The following PLPP4 variants were observed in gnomAD, a reference collection of about 807,000 sequenced individuals.
PLPP4 encodes diacylglycerol pyrophosphate like 2.
In PLPP4, 20 loss-of-function variants were observed where a neutral mutation model predicts 32.2. That is an observed-to-expected ratio of 0.62 (90% CI 0.44 to 0.90). PLPP4 has a LOEUF of 0.90. Among genes scored for constraint, PLPP4 ranks in the 40% least tolerant of loss-of-function variants. PLPP4 has a pLI of 0.00. For missense variants in PLPP4, 257 were observed against 353.1 expected, an observed-to-expected ratio of 0.73 and a Z score of 2.18; for synonymous variants, 127 against 133.0, an observed-to-expected ratio of 0.95 and a Z score of 0.31.
At chr10:120,529,140 G>T (rs1846575471) in intron 5 of PLPP4, among the ~76,000 whole-genome samples, 3 of 152,112 alleles carry the variant, frequency 2.0e-5, no homozygotes, top group African/African-American at 7.2e-5. Flanking sequence ...CCCCCCAGGG[G>T]ACATTTAGCA....
rs376461960 is a variant in PLPP4 at position 120,590,276 on chromosome 10, G to A, written c.*774G>A. Among the ~76,000 whole-genome samples the A allele has an allele frequency of 1.3e-5, 2 of 152,162 alleles. No individual in the cohort carries two copies. Among genetic ancestry groups the A allele is most frequent in the Non-Finnish European group, 2.9e-5 (2 of 68,028 alleles). ...CATACAGTGAATTTTTGGGGCACGG[G>A]GGCTTTACTTGGCTCTTCTGCAAGA... On this transcript the variant is annotated 3_prime_UTR_variant, in exon 7 of 7. Transcript: ENST00000398250.
At chr10:120,548,154 G>T (rs77857613) in intron 5 of PLPP4, among the ~76,000 whole-genome samples, 1,827 of 152,080 alleles carry the variant, frequency 0.012, 18 homozygotes, top group Non-Finnish European at 0.019. Flanking sequence ...TGGAGTTTTG[G>T]TGTACAAATT....
At chr10:120,522,113 C>G (rs1846180377) in intron 5 of PLPP4, among the ~76,000 whole-genome samples, 1 of 152,162 alleles carries the variant, frequency 6.6e-6, no homozygotes. Flanking sequence ...AGGTGACCAT[C>G]TTGAATAGGA....
intron 2 of PLPP4, among the ~76,000 whole-genome samples, chr10:120,513,316 G>T (rs1448479702): frequency 2.0e-5 from 3 of 152,150 alleles, no homozygotes; most frequent in Non-Finnish European, 4.4e-5. Flanking sequence ...CTCACAGTAG[G>T]TTCTGTAATG....
At chr10:120,481,352 C>G (rs1261337266) in intron 1 of PLPP4, among the ~76,000 whole-genome samples, 1 of 152,102 alleles carries the variant, frequency 6.6e-6, no homozygotes, top group African/African-American at 2.4e-5. Context: ...TTCAGGGCAG[C>G]CCAGGGGACA....
chr10:120,528,311 T>C (rs975252965), intron 5 of PLPP4, among the ~76,000 whole-genome samples: 37 of 152,108 alleles, frequency 2.4e-4, no homozygotes, highest in Non-Finnish European at 4.4e-4. Flanking sequence ...CCTGACCTCG[T>C]GATCCGTCCG....
At chr10:120,548,566 C>A (rs571145141) in intron 5 of PLPP4, among the ~76,000 whole-genome samples, 438 of 152,148 alleles carry the variant, frequency 2.9e-3, no homozygotes, top group Non-Finnish European at 4.8e-3. Context: ...TATGGTAGAA[C>A]AATTTATATT....
chr10:120,565,988 A>G (rs978310077), intron 5 of PLPP4, among the ~76,000 whole-genome samples: 4 of 152,022 alleles, frequency 2.6e-5, no homozygotes, highest in African/African-American at 9.7e-5. Context: ...CTGAGTTTTA[A>G]AGTTTAATTA....
At chr10:120,579,941 A>G (rs1849406915) in intron 6 of PLPP4, among the ~76,000 whole-genome samples, 1 of 125,692 alleles carries the variant, frequency 8.0e-6, no homozygotes, top group Non-Finnish European at 1.7e-5. Context: ...CCCCGTCTCT[A>G]CTAAAAAAAA....
At chr10:120,462,058 C>T (rs558040200) in intron 1 of PLPP4, among the ~76,000 whole-genome samples, 16 of 152,290 alleles carry the variant, frequency 1.1e-4, no homozygotes, top group South Asian at 2.1e-4. Flanking sequence ...CTAGGTTTCA[C>T]TGAGAAGGAG....
chr10:120,525,025 A>G (rs1310767160), intron 5 of PLPP4, among the ~76,000 whole-genome samples: 2 of 152,148 alleles, frequency 1.3e-5, no homozygotes, highest in African/African-American at 2.4e-5. Context: ...ATAAAGCAAT[A>G]CTCTCATCCA....
intron 6 of PLPP4, among the ~76,000 whole-genome samples, chr10:120,577,848 C>G (rs141241258): frequency 6.6e-6 from 1 of 152,310 alleles, no homozygotes; most frequent in African/African-American, 2.4e-5. Context: ...GAGTCAGGCT[C>G]ATTTTACCTG....
At chr10:120,579,888 A>G (rs1849402284) in intron 6 of PLPP4, among the ~76,000 whole-genome samples, 1 of 151,494 alleles carries the variant, frequency 6.6e-6, no homozygotes, top group African/African-American at 2.4e-5. Flanking sequence ...CGGGCAGATC[A>G]CGAGGTCAGG....
In PLPP4 at chr10:120,556,672, T is replaced by C. The variant is rs1363733157; in HGVS notation, c.446-18459T>C. ...CATGCACCAAATGTTCTACAAGGGCTGTTTTACTTAGTCCTTAGGAAAACC... is the reference window on the plus strand; with the variant it reads ...CATGCACCAAATGTTCTACAAGGGCCGTTTTACTTAGTCCTTAGGAAAACC... On this transcript the variant is annotated intron_variant, in intron 5 of 6. Coordinates refer to ENST00000398250, the MANE Select transcript of PLPP4 (RefSeq NM_001030059.3). Among the ~76,000 whole-genome samples the C allele has an allele frequency of 2.6e-5, 4 of 152,336 alleles. No homozygotes were observed. The East Asian group carries it at 7.7e-4, about 29-fold the overall frequency.
chr10:120,470,309 T>G (rs1848461110), intron 1 of PLPP4, among the ~76,000 whole-genome samples: 1 of 152,250 alleles, frequency 6.6e-6, no homozygotes, highest in Non-Finnish European at 1.5e-5. Flanking sequence ...TTCTTACTGA[T>G]GTATAGGTGT....
intron 1 of PLPP4, among the ~76,000 whole-genome samples, chr10:120,499,840 C>CA (rs140846174): frequency 0.017 from 2,627 of 152,098 alleles, 76 homozygotes; most frequent in African/African-American, 0.06. Flanking sequence ...TCTTGGATTC[C>CA]AAACCACTTC....
At chr10:120,518,744 T>A in intron 3 of PLPP4, 89 bp from the exon 4 acceptor site, 1 of 1,041,154 alleles carries the variant, frequency 9.6e-7, no homozygotes, top group Non-Finnish European at 1.5e-6. Flanking sequence ...AGTATTATAA[T>A]GTAACAGTGA....
chr10:120,490,689 G>A (rs1407023356), intron 1 of PLPP4, among the ~76,000 whole-genome samples: 1 of 152,206 alleles, frequency 6.6e-6, no homozygotes, highest in South Asian at 2.1e-4. Flanking sequence ...CAGAGAAATG[G>A]TCATGGGTGT....
intron 2 of PLPP4, among the ~76,000 whole-genome samples, chr10:120,507,631 C>A (rs1206886200): frequency 6.6e-6 from 1 of 152,152 alleles, no homozygotes; most frequent in Non-Finnish European, 1.5e-5. Flanking sequence ...TGGAGGCACT[C>A]CGCTGTGATG....
Sources: allele counts gnomAD v4.1 joint callset (sites outside exome capture counted in the v4.1 genomes callset), GRCh38; gene constraint gnomAD v4.1.1; transcripts MANE v1.5; gene names NCBI Gene and HGNC (gene_info 2026-07-23, HGNC 2026-07-21).